SRCIN1: variants seen among roughly 807,000 people sequenced by gnomAD.
The protein encoded by SRCIN1 is P130Cas-associated protein.
Under a neutral mutation model 116.2 loss-of-function variants are expected in SRCIN1, and 50 were observed. The observed-to-expected ratio is 0.43, with a 90% CI of 0.34 to 0.54. The LOEUF is 0.54. SRCIN1 is among the 20% of genes least tolerant of loss of function. SRCIN1 has a pLI of 0.02. For missense variants in SRCIN1, 1,446 were observed against 1,672.0 expected (o/e 0.86, Z 2.36); for synonymous variants, 736 against 750.0 (o/e 0.98, Z 0.30).
chr17:38,599,395 A>C (rs1393683109), intron 1 of SRCIN1, among the ~76,000 whole-genome samples: 7 of 152,080 alleles, frequency 4.6e-5, no homozygotes, highest in Non-Finnish European at 8.8e-5. Context: ...ATCCCTCCCC[A>C]GCAGGGTCCC....
chr17:38,534,080 A>T (rs750064937), intron 18 of SRCIN1, among the ~76,000 whole-genome samples: 16 of 152,118 alleles, frequency 1.1e-4, no homozygotes, highest in Non-Finnish European at 2.1e-4. Context: ...TTGTCGCCCC[A>T]GTTGGTAACA....
Position 38,562,076 on chromosome 17 carries a change from G to C in SRCIN1, c.1087C>G (p.Pro363Ala). The C allele has an allele frequency of 6.8e-7, 1 of 1,463,178 alleles. No homozygotes were observed. Among genetic ancestry groups the C allele is most frequent in the Non-Finnish European group, 9.0e-7 (1 of 1,114,720 alleles). 90.6% of individuals were successfully genotyped at this position (1,463,178 alleles called of 1,614,324 possible). A position where few individuals can be genotyped will look rare whatever the true frequency, so the allele number is the denominator to read the frequency against. ...GGAPAAQGVS[P>A]SPSAILERRD... ...CGCTCCAGGATGGCGCTGGGGCTGGGGCTGACGCCCTGGGCGGCCGGGGCG... is the reference window on the plus strand; with the variant it reads ...CGCTCCAGGATGGCGCTGGGGCTGGCGCTGACGCCCTGGGCGGCCGGGGCG... Residue 363 changes from proline to alanine, a missense_variant, in exon 7 of 19, where the codon CCC becomes GCC. Transcript: ENST00000617146. The surrounding 1 kb of genome is among the most constrained non-coding windows in gnomAD (Gnocchi z 4.2).
intron 1 of SRCIN1, among the ~76,000 whole-genome samples, chr17:38,579,320 AGGCTGGGCGCC>A (rs1490624941): frequency 6.6e-6 from 1 of 152,158 alleles, no homozygotes; most frequent in Non-Finnish European, 1.5e-5. Context: ...CTTATCCTCA[AGGCTGGGCGCC>A]GGCTGGGAAA....
intron 18 of SRCIN1, chr17:38,542,379 C>A: frequency 6.5e-6 from 1 of 152,762 alleles, no homozygotes. Context: ...GTTTCCGCCC[C>A]CGTCACATGG....
At chr17:38,555,047 A>T (rs1905694669) in intron 11 of SRCIN1, among the ~76,000 whole-genome samples, 1 of 152,188 alleles carries the variant, frequency 6.6e-6, no homozygotes, top group African/African-American at 2.4e-5. Flanking sequence ...CCAGTTAAAG[A>T]GCTATCCTGT....
At chr17:38,575,211 G>A (rs1002702686) in intron 2 of SRCIN1, among the ~76,000 whole-genome samples, 2 of 152,136 alleles carry the variant, frequency 1.3e-5, no homozygotes, top group Admixed American at 1.3e-4. Context: ...CTGAGCCCAG[G>A]GCAGGGCCTT....
chr17:38,563,959 G>A lies in SRCIN1; in HGVS notation c.541+159C>T. ...GTGGGGATGCTGAGGGCGAGAGAGA[G>A]ATGGAGAGAGCTGGGGTTGCTTGGG... On this transcript the variant is annotated intron_variant, in intron 4 of 18. Transcript: ENST00000617146. The surrounding 1 kb of genome is among the most constrained non-coding windows in gnomAD (Gnocchi z 5.8). 1 of 789,978 alleles carries A rather than the reference G, an allele frequency of 1.3e-6. No homozygotes were observed. Among genetic ancestry groups the A allele is most frequent in the Non-Finnish European group, 2.0e-6 (1 of 498,538 alleles). The allele number at this position is 789,978 out of a possible 1,614,324, so 48.9% of individuals were successfully genotyped here.
Position 38,552,461 on chromosome 17 carries a change from C to G in SRCIN1, c.2466G>C (p.Leu822=), listed in dbSNP as rs767417453. Residue 822 remains leucine, a synonymous_variant, in exon 13 of 19, where the codon CTG becomes CTC. Coordinates refer to ENST00000617146, the MANE Select transcript of SRCIN1 (RefSeq NM_025248.3). The surrounding 1 kb of genome is among the most constrained non-coding windows in gnomAD (Gnocchi z 5.3). ...LKRCRGVTDT[L]AQIRRQVDEG... is the part of the protein sequence containing the mutation. ...GACAGAATGACCTTCGGATCTGGGC[C>G]AGCGTGTCCGTGACCCCGCGGCAGC... 3 of 1,602,434 alleles carry G rather than the reference C, an allele frequency of 1.9e-6. No individual in the cohort carries two copies.
At position 38,580,046 on chromosome 17, in the gene SRCIN1, T is replaced by G. The variant is rs564928302; in HGVS notation, c.23-1255A>C. On this transcript the variant is annotated intron_variant, in intron 1 of 18. Transcript: ENST00000617146. ...GGCATCAGGCGCTGCAGCAGACACATGCACTCCCGCCCCCGTGTGGCCTGA... is the reference window on the plus strand; with the variant it reads ...GGCATCAGGCGCTGCAGCAGACACAGGCACTCCCGCCCCCGTGTGGCCTGA... Among the ~76,000 whole-genome samples the G allele has an allele frequency of 2.3e-4, 35 of 152,166 alleles. 1 individual carries two copies. The South Asian group carries it at 7.1e-3, about 31-fold the overall frequency.
chr17:38,549,068 C>T lies in SRCIN1; in HGVS notation c.3105G>A (p.Ser1035=), dbSNP rs747545099. Residue 1035 remains serine, a synonymous_variant, in exon 16 of 19, where the codon TCG becomes TCA. Transcript: ENST00000617146. ...GTGGGAGTGGTACCTTGATGAAGGC[C>T]GAGTCCTTCTTGCTGGTGACCACCA... ...GEVVVTSKKD[S]AFIKKAESEE... The T allele has an allele frequency of 3.7e-6, 6 of 1,613,076 alleles. No individual in the cohort carries two copies. Among genetic ancestry groups the T allele is most frequent in the East Asian group, 2.2e-5 (1 of 44,856 alleles).
At position 38,564,106 on chromosome 17, in the gene SRCIN1, G is replaced by C; in HGVS notation, c.541+12C>G. On this transcript the variant is annotated intron_variant, in intron 4 of 18. Transcript: ENST00000617146. ...CTGTGTGGGGAGGGAGGGTGGACTG[G>C]GCGGGCAGTACCTGGGGAGCGCAGC... The C allele has an allele frequency of 6.3e-7, 1 of 1,591,218 alleles. No individual in the cohort carries two copies. Among genetic ancestry groups the C allele is most frequent in the Non-Finnish European group, 8.5e-7 (1 of 1,170,350 alleles).
Position 38,588,251 on chromosome 17 carries a change from C to T in SRCIN1, c.23-9460G>A, listed in dbSNP as rs771437993. Among the ~76,000 whole-genome samples the T allele has an allele frequency of 1.8e-4, 28 of 152,286 alleles. No homozygotes were observed. In the Middle Eastern group the frequency reaches 0.02, roughly 111 times the overall value. ...AGGACTGTGGGGTTGTGATTTTTGG[C>T]TTCTAATGAAGATCTGGCTAATTGG... On this transcript the variant is annotated intron_variant, in intron 1 of 18. Transcript: ENST00000617146.
chr17:38,537,038 C>T (rs958047527), intron 18 of SRCIN1, among the ~76,000 whole-genome samples: 3 of 151,864 alleles, frequency 2.0e-5, no homozygotes, highest in African/African-American at 4.8e-5. Flanking sequence ...ATTAACCAGG[C>T]GTGGTGGCGT....
intron 2 of SRCIN1, among the ~76,000 whole-genome samples, chr17:38,569,904 G>T (rs1049521507): frequency 3.9e-5 from 6 of 152,100 alleles, no homozygotes; most frequent in African/African-American, 1.4e-4. Flanking sequence ...GTGGACACGT[G>T]GGGGCAGGCA....
intron 2 of SRCIN1, among the ~76,000 whole-genome samples, chr17:38,571,549 GCCAAATCTT>G (rs1416500757): frequency 6.6e-6 from 1 of 152,160 alleles, no homozygotes. Context: ...TCCACCTCAA[GCCAAATCTT>G]CCAGTGCCAA....
chr17:38,547,744 C>A, intron 17 of SRCIN1: 1 of 325,924 alleles, frequency 3.1e-6, no homozygotes, highest in Non-Finnish European at 6.0e-6. Context: ...TGAGAAGTGG[C>A]AGCAGCCCCG....
rs1446948349 is a variant in SRCIN1, at chr17:38,561,852, G to C, written c.1311C>G (p.Thr437=). The change falls in exon 7 of 19, where the codon ACC becomes ACG. Residue 437 remains threonine, a synonymous_variant. Transcript: ENST00000617146. ...CGGACTGCAGCGCGGCGGCCGAGTA[G>C]GTGCTGAGCGAGCGCACCGAGCCGC... ...YKRGSVRSLS[T]YSAAALQSDL... The C allele has an allele frequency of 4.1e-6, 6 of 1,467,548 alleles. No homozygotes were observed. Among genetic ancestry groups the C allele is most frequent in the Non-Finnish European group, 4.5e-6 (5 of 1,120,674 alleles). 90.9% of individuals were successfully genotyped at this position (1,467,548 alleles called of 1,614,324 possible).
intron 18 of SRCIN1, chr17:38,542,784 C>A (rs1039585321): frequency 4.0e-6 from 1 of 252,188 alleles, no homozygotes; most frequent in Admixed American, 4.3e-5. Context: ...TTTGGGAAGC[C>A]CCTCTCCTCC....
Position 38,551,190 on chromosome 17 carries a change from G to A in SRCIN1, c.2927C>T (p.Ala976Val), listed in dbSNP as rs763680806. 46 of 1,587,632 alleles carry A rather than the reference G, an allele frequency of 2.9e-5. No individual in the cohort carries two copies. The highest frequency in any genetic ancestry group is 4.0e-5 in the Non-Finnish European group (46 of 1,163,428). The part of the protein sequence containing the change: ...PPKAPHGQKA[A>V]PRTEPSGRRG... ...CCTCCCACTGGGCTCCGTTCGGGGG[G>A]CTGCCTTCTGGCCGTGGGGGGCCTT... Residue 976 changes from alanine to valine, a missense_variant, in exon 15 of 19, where the codon GCC (alanine) becomes GTC (valine). By Grantham distance (64) the Ala-to-Val change is moderately conservative (BLOSUM62 0). Coordinates refer to ENST00000617146, the MANE Select transcript of SRCIN1 (RefSeq NM_025248.3).
Sources: gnomAD v4.1 joint callset for allele counts (sites outside exome capture counted in the v4.1 genomes callset) on GRCh38, gnomAD v4.1.1 for gene constraint, Gnocchi (gnomAD v3.1) non-coding constraint, MANE v1.5 for transcripts, NCBI Gene and HGNC (gene_info 2026-07-23, HGNC 2026-07-21) for gene names.